Variants in DLC1 observed in about 807,000 individuals in gnomAD.
DLC1 encodes the protein DLC1 Rho GTPase activating protein, also known as rho GTPase-activating protein 7.
In DLC1, 54 loss-of-function variants were observed where a neutral mutation model predicts 140.3. The observed-to-expected ratio is 0.38, with a 90% CI of 0.31 to 0.48. The LOEUF (loss-of-function observed/expected upper bound fraction) is 0.48, where lower values mean the gene tolerates loss of function less well. DLC1 is among the 20% of genes least tolerant of loss of function. DLC1 has a pLI of 0.96. For synonymous variants in DLC1, 986 were observed against 728.1 expected, an observed-to-expected ratio of 1.35 and a Z score of -5.70; for missense variants, 2,536 against 1,907.0, an observed-to-expected ratio of 1.33 and a Z score of -6.14.
chr8:13,367,454 A>T (rs768741816), intron 4 of DLC1, among the ~76,000 whole-genome samples: 3 of 152,176 alleles, frequency 2.0e-5, no homozygotes, highest in Non-Finnish European at 4.4e-5. Flanking sequence ...GGCCCAATAG[A>T]AGAAAAGCAA....
At chr8:13,115,175 T>C (rs1247995447) in intron 6 of DLC1, among the ~76,000 whole-genome samples, 1 of 152,066 alleles carries the variant, frequency 6.6e-6, no homozygotes, top group Non-Finnish European at 1.5e-5. Flanking sequence ...AACAGGCCCA[T>C]ACAGTATAGA....
chr8:13,212,935 C>T (rs17127042), intron 5 of DLC1, among the ~76,000 whole-genome samples: 5,245 of 152,060 alleles, frequency 0.034, 303 homozygotes, highest in African/African-American at 0.12. Context: ...TGAAGGGCGC[C>T]GTTTAAATTT....
chr8:13,312,137 G>A (rs1478121471), intron 4 of DLC1, among the ~76,000 whole-genome samples: 1 of 129,504 alleles, frequency 7.7e-6, no homozygotes, highest in Non-Finnish European at 1.7e-5. Flanking sequence ...CGAGGCGGGC[G>A]GATCACGAGG....
chr8:13,091,203 C>G (rs953788982), intron 14 of DLC1, 115 bp downstream of exon 14: 1 of 820,302 alleles, frequency 1.2e-6, no homozygotes, highest in Non-Finnish European at 1.9e-6. Context: ...GCTATTTATA[C>G]CGTCTCCAGC....
At chr8:13,591,382 A>T (rs1805509602) in intron 1 of DLC1, among the ~76,000 whole-genome samples, 1 of 152,054 alleles carries the variant, frequency 6.6e-6, no homozygotes, top group African/African-American at 2.4e-5. Flanking sequence ...TGAGTGAGTT[A>T]TCACGAGATC....
At chr8:13,317,629 C>G (rs1320303262) in intron 4 of DLC1, among the ~76,000 whole-genome samples, 2 of 151,852 alleles carry the variant, frequency 1.3e-5, no homozygotes, top group Non-Finnish European at 2.9e-5. Context: ...TGGGCTGTGT[C>G]TGGTGTGTGG....
chr8:13,244,507 C>A (rs1056494289), intron 5 of DLC1, among the ~76,000 whole-genome samples: 1 of 151,912 alleles, frequency 6.6e-6, no homozygotes, highest in Non-Finnish European at 1.5e-5. Context: ...TTATGTTGCA[C>A]GGGCTGGTCT....
intron 5 of DLC1, among the ~76,000 whole-genome samples, chr8:13,283,452 G>C (rs570017614): frequency 1.3e-5 from 2 of 152,230 alleles, no homozygotes; most frequent in South Asian, 4.1e-4. Context: ...TCTGCATATG[G>C]GCAATTTTGG....
chr8:13,238,182 T>C (rs1585979099), intron 5 of DLC1, among the ~76,000 whole-genome samples: 1 of 152,292 alleles, frequency 6.6e-6, no homozygotes, highest in Non-Finnish European at 1.5e-5. Context: ...TTTGAAGGCA[T>C]GTATTTCATG....
intron 3 of DLC1, among the ~76,000 whole-genome samples, chr8:13,397,321 T>C (rs1035238095): frequency 3.3e-5 from 5 of 151,874 alleles, no homozygotes; most frequent in African/African-American, 7.3e-5. Flanking sequence ...GGGGCAGATA[T>C]AGGAAGAGGA....
rs558699391 is a variant in DLC1, at chr8:13,368,112, A to G, written c.1314+25441T>C. 8.5e-5 allele frequency among the ~76,000 whole-genome samples: 13 copies of G among 152,306 alleles called. No homozygotes were observed. The South Asian group carries it at 2.7e-3, about 32-fold the overall frequency. On this transcript the variant is annotated intron_variant, in intron 4 of 17. Coordinates refer to ENST00000276297, the MANE Select transcript of DLC1 (RefSeq NM_182643.3). ...TCCAAACAGCTGAATTTAATCCAGT[A>G]ATATGTAAAGTGGAAAAGAAAGTTA...
chr8:13,220,394 GA>G (rs1828485153), intron 5 of DLC1, among the ~76,000 whole-genome samples: 1 of 152,178 alleles, frequency 6.6e-6, no homozygotes, highest in South Asian at 2.1e-4. Context: ...AACAAGTGGG[GA>G]TCAGGTGGAA....
At chr8:13,271,826 C>T (rs1563214481) in intron 5 of DLC1, among the ~76,000 whole-genome samples, 6 of 152,148 alleles carry the variant, frequency 3.9e-5, no homozygotes, top group Admixed American at 3.3e-4. Flanking sequence ...CAGATGGTCA[C>T]CACCACGCCT....
chr8:13,329,168 A>G (rs559512021), intron 4 of DLC1, among the ~76,000 whole-genome samples: 43 of 152,364 alleles, frequency 2.8e-4, no homozygotes, highest in South Asian at 1.4e-3. Flanking sequence ...ATCACAGTCT[A>G]GATGGGGAGA....
chr8:13,306,257 AG>A (rs1832422314), intron 4 of DLC1, among the ~76,000 whole-genome samples: 1 of 152,222 alleles, frequency 6.6e-6, no homozygotes, highest in Non-Finnish European at 1.5e-5. Flanking sequence ...TTTTAAAAAT[AG>A]GGTTCAGAAT....
Position 13,601,850 on chromosome 8 carries a change from A to G in DLC1, c.-126+2687T>C, listed in dbSNP as rs141904150. ...CTTCTTTGGTGATTTTGCTGGCTAT[A>G]TAACCCAGATGCAATATTTATATTT... On this transcript the variant is annotated intron_variant, in intron 1 of 1. Coordinates refer to the DLC1 transcript ENST00000631382. 6.6e-4 allele frequency among the ~76,000 whole-genome samples: 100 copies of G among 151,918 alleles called. 1 individual carries two copies. The East Asian group carries it at 0.011, about 17-fold the overall frequency.
intron 1 of DLC1, among the ~76,000 whole-genome samples, chr8:13,590,465 G>C (rs1480123046): frequency 1.3e-5 from 2 of 152,008 alleles, no homozygotes; most frequent in Non-Finnish European, 2.9e-5. Flanking sequence ...TGGTTCTTTG[G>C]ACACTTCAAT....
intron 5 of DLC1, among the ~76,000 whole-genome samples, chr8:13,233,627 TAATATCATAGTC>T (rs1175287610): frequency 6.6e-6 from 1 of 152,224 alleles, no homozygotes; most frequent in Non-Finnish European, 1.5e-5. Context: ...AAAGATGCTA[TAATATCATAGTC>T]AATATGTACC....
chr8:13,434,032 G>T (rs559345137), intron 2 of DLC1, among the ~76,000 whole-genome samples: 2 of 152,008 alleles, frequency 1.3e-5, no homozygotes, highest in South Asian at 4.2e-4. Flanking sequence ...ATTTTGTTTT[G>T]TTTTGTTTTG....
Sources: gnomAD v4.1 joint callset for allele counts (sites outside exome capture counted in the v4.1 genomes callset) on GRCh38, gnomAD v4.1.1 for gene constraint, MANE v1.5 for transcripts, NCBI Gene and HGNC (gene_info 2026-07-23, HGNC 2026-07-21) for gene names.